The following LRRK1 variants were observed in gnomAD, a reference collection of about 807,000 sequenced individuals.
LRRK1 encodes the protein leucine rich repeat kinase 1, also known as leucine-rich repeat serine/threonine-protein kinase 1.
A neutral mutation model predicts 209.1 loss-of-function variants in LRRK1; 113 were observed. That is an observed-to-expected ratio of 0.54 (90% CI 0.46 to 0.63). LRRK1 has a LOEUF of 0.63. LRRK1 is among the 30% of genes least tolerant of loss of function. The probability of loss-of-function intolerance (pLI) is 0.00; values close to 1 mark genes in which losing one functional copy is unlikely to be tolerated. For missense variants in LRRK1, 2,284 were observed against 2,632.2 expected, an observed-to-expected ratio of 0.87 and a Z score of 2.89; for synonymous variants, 1,144 against 1,099.7, an observed-to-expected ratio of 1.04 and a Z score of -0.80.
At chr15:101,010,102 C>A (rs2033160205) in intron 7 of LRRK1, among the ~76,000 whole-genome samples, 1 of 152,234 alleles carries the variant, frequency 6.6e-6, no homozygotes, top group South Asian at 2.1e-4. Flanking sequence ...GGCCCTTCAC[C>A]TGGGCCAGAT....
At chr15:100,947,367 A>G (rs1441605285) in intron 2 of LRRK1, among the ~76,000 whole-genome samples, 1 of 152,214 alleles carries the variant, frequency 6.6e-6, no homozygotes, top group East Asian at 1.9e-4. Flanking sequence ...ATTCCTATGG[A>G]AAGAAATGCA....
chr15:101,046,753 C>T (rs935088017), intron 21 of LRRK1, among the ~76,000 whole-genome samples: 1 of 152,202 alleles, frequency 6.6e-6, no homozygotes, highest in African/African-American at 2.4e-5. Flanking sequence ...AGTTTGAGAA[C>T]CACTTGTGCA....
In LRRK1 at chr15:101,070,834, T is replaced by C. The variant is rs2036777359; in HGVS notation, c.*1986T>C. 1 of 150,012 alleles carries C rather than the reference T, an allele frequency of 6.7e-6. No individual in the cohort carries two copies. The highest frequency in any genetic ancestry group is 1.5e-5 in the Non-Finnish European group (1 of 67,650). 9.3% of individuals were successfully genotyped at this position (150,012 alleles called of 1,614,324 possible). ...ACAGGAAATGACTAATGAACTTGAC[T>C]CCATGAAATTGAAACTTACGTGGAA... On this transcript the variant is annotated 3_prime_UTR_variant, in exon 34 of 34. Transcript: ENST00000388948.
At chr15:100,952,287 T>C (rs2042670870) in intron 2 of LRRK1, among the ~76,000 whole-genome samples, 1 of 152,238 alleles carries the variant, frequency 6.6e-6, no homozygotes. Context: ...CACTGAATTG[T>C]ACACTTTTAA....
chr15:100,941,477 T>TGTGTGTGTGCCTGTATCTGTGTGC (rs2042435260), intron 2 of LRRK1, among the ~76,000 whole-genome samples: 2 of 97,602 alleles, frequency 2.0e-5, no homozygotes, highest in Non-Finnish European at 2.3e-5. Flanking sequence ...TGTGTGTGTG[T>TGTGTGTGTGCCTGTATCTGTGTGC]GTGTGTGTGT....
intron 12 of LRRK1, 68 bp downstream of exon 12, chr15:101,015,470 A>T: frequency 8.2e-7 from 1 of 1,215,268 alleles, no homozygotes; most frequent in South Asian, 1.3e-5. Flanking sequence ...CTGCTCCACC[A>T]AAGTGGGGAT....
rs572153759 is a variant in LRRK1, at chr15:101,060,783, C to T, written c.4680-388C>T. 3.0e-4 allele frequency among the ~76,000 whole-genome samples: 46 copies of T among 152,368 alleles called. 2 individuals are homozygous for T. The East Asian group carries it at 5.6e-3, about 19-fold the overall frequency. ...TGGGAGCACATTTTGAGTGCCCCCC[C>T]GCCCCAACCCAATCTCCTCTGGAAT... On this transcript the variant is annotated intron_variant, in intron 29 of 33. Transcript: ENST00000388948.
In LRRK1 at chr15:101,065,503, A is replaced by T. The variant is rs1213403128; in HGVS notation, c.5066A>T (p.Asn1689Ile). ...ATCGCGGATGAAGACGCACGGCAGA[A>T]CCCCTACCCAGTGAAGGCCATGGAG... ...FSIADEDARQ[N>I]PYPVKAMEVV... is the part of the protein sequence containing the mutation. Residue 1689 changes from asparagine (N) to isoleucine (I), a missense_variant, in exon 32 of 34, where the codon AAC becomes ATC. Physicochemically the swap from Asn to Ile is moderately radical, Grantham distance 149. This residue lies in a region of LRRK1 where 643 missense variants were observed against 695.9 expected (regional missense o/e 0.92). Coordinates refer to ENST00000388948, the MANE Select transcript of LRRK1 (RefSeq NM_024652.6). The T allele has an allele frequency of 2.5e-6, 4 of 1,613,950 alleles. No individual in the cohort carries two copies. Among genetic ancestry groups the T allele is most frequent in the East Asian group, 2.2e-5 (1 of 44,886 alleles).
chr15:101,053,044 G>A lies in LRRK1; in HGVS notation c.3812G>A (p.Arg1271His), dbSNP rs199804667. 307 of 1,612,300 alleles carry A rather than the reference G, an allele frequency of 1.9e-4. No homozygotes were observed. Among genetic ancestry groups the A allele is most frequent in the Non-Finnish European group, 1.8e-4 (214 of 1,178,922 alleles). The change falls in exon 25 of 34, where the codon CGC (arginine) becomes CAC (histidine). Residue 1271 changes from arginine (R) to histidine (H), a missense_variant. Coordinates refer to ENST00000388948, the MANE Select transcript of LRRK1 (RefSeq NM_024652.6). ...CAGGGCCAGCCTGTGGCCGTCAAGCGCTTCCACATCAAAAAATTCAAGAAC... is the reference window on the plus strand; with the variant it reads ...CAGGGCCAGCCTGTGGCCGTCAAGCACTTCCACATCAAAAAATTCAAGAAC... ...RYQGQPVAVK[R>H]FHIKKFKNFA...
chr15:101,053,232 T>G lies in LRRK1; in HGVS notation c.3866T>G (p.Leu1289Arg). 6.2e-7 allele frequency: 1 copy of G among 1,605,778 alleles called. No homozygotes were observed. The highest frequency in any genetic ancestry group is 8.5e-7 in the Non-Finnish European group (1 of 1,179,916). ...NFANVPADTM[L>R]RHLRATDAMK... The stretch of plus-strand genomic sequence containing the variant: ...GCGCTGTCCCTGGCAGACACCATGC[T>G]GAGGCACCTGCGGGCCACCGATGCC... Residue 1289 changes from leucine (L) to arginine (R), a missense_variant, in exon 26 of 34, where the codon CTG (leucine) becomes CGG (arginine). Transcript: ENST00000388948.
At chr15:101,018,484 C>T (rs7161949) in intron 12 of LRRK1, among the ~76,000 whole-genome samples, 9,831 of 116,008 alleles carry the variant, frequency 0.085, 907 homozygotes, top group African/African-American at 0.27. Context: ...ACCTCGGTCA[C>T]GCAAGCCACT....
intron 2 of LRRK1, among the ~76,000 whole-genome samples, chr15:100,941,248 CTGTG>C (rs1220339136): frequency 3.4e-5 from 3 of 88,588 alleles, no homozygotes; most frequent in South Asian, 3.7e-4. Flanking sequence ...GTGTGTCTGT[CTGTG>C]TGTGTGTCTG....
chr15:100,993,654 A>G (rs1382351433), intron 6 of LRRK1, among the ~76,000 whole-genome samples: 135 of 151,874 alleles, frequency 8.9e-4, no homozygotes, highest in Non-Finnish European at 1.6e-4. Flanking sequence ...TCAGGTTTTT[A>G]TTTGTCTCTT....
chr15:101,008,791 C>A, intron 6 of LRRK1, 46 bp from the exon 7 acceptor site: 2 of 1,443,032 alleles, frequency 1.4e-6, no homozygotes, highest in South Asian at 1.1e-5. Flanking sequence ...CATGTGGGCC[C>A]TGAACTCACC....
chr15:100,957,462 A>G (rs1429085368), intron 2 of LRRK1, among the ~76,000 whole-genome samples: 1 of 152,048 alleles, frequency 6.6e-6, no homozygotes, highest in Admixed American at 6.5e-5. Context: ...TGCTTTACTT[A>G]TTTATGTGCT....
At position 101,043,010 on chromosome 15, in the gene LRRK1, C is replaced by G. The variant is rs545819279; in HGVS notation, c.2964-2971C>G. ...GCCCTAAACCAGCTTGGTCCTCAGG[C>G]CTCTGAGTACTAGTTTCCATATCAG... On this transcript the variant is annotated intron_variant, in intron 20 of 33. Coordinates refer to ENST00000388948, the MANE Select transcript of LRRK1 (RefSeq NM_024652.6). Among the ~76,000 whole-genome samples the G allele has an allele frequency of 2.0e-5, 3 of 152,352 alleles. No homozygotes were observed. The East Asian group carries it at 5.8e-4, about 29-fold the overall frequency.
In LRRK1 at chr15:101,022,349, C is replaced by T. The variant is rs767838123; in HGVS notation, c.1853-34C>T. The stretch of plus-strand genomic sequence containing the variant: ...CCTAAGAGATGTGAGCATGTGCCCA[C>T]GCAGCTACCCTTCCCCTTAATGATT... On this transcript the variant is annotated intron_variant, in intron 14 of 33. Transcript: ENST00000388948. This position sits in a 1 kb window ranked among gnomAD's most constrained non-coding sequence, Gnocchi z 4.0. 2.8e-5 allele frequency: 45 copies of T among 1,594,896 alleles called. No individual in the cohort carries two copies. The highest frequency in any genetic ancestry group is 9.4e-5 in the African/African-American group (7 of 74,606).
chr15:100,969,509 A>G (rs955995604), intron 2 of LRRK1, among the ~76,000 whole-genome samples: 1 of 151,940 alleles, frequency 6.6e-6, no homozygotes, highest in East Asian at 1.9e-4. Context: ...TTTTTTTTCA[A>G]GTTCAGGGGT....
At position 101,053,061 on chromosome 15, in the gene LRRK1, T is replaced by C; in HGVS notation, c.3829T>C (p.Phe1277Leu). 1 of 1,610,714 alleles carries C rather than the reference T, an allele frequency of 6.2e-7. No individual in the cohort carries two copies. Among genetic ancestry groups the C allele is most frequent in the South Asian group, 1.1e-5 (1 of 90,978 alleles). ...CGTCAAGCGCTTCCACATCAAAAAA[T>C]TCAAGAACTTTGCTAACGTACCGGC... ...VAVKRFHIKK[F>L]KNFANVPADT... The change falls in exon 25 of 34, where the codon TTC becomes CTC. Residue 1277 changes from phenylalanine to leucine, a missense_variant. Phe to Leu is a conservative substitution (Grantham distance 22). This residue lies in a region of LRRK1 where 780 missense variants were observed against 985.2 expected (regional missense o/e 0.79). Transcript: ENST00000388948.
Sources: gnomAD v4.1 joint callset for allele counts (sites outside exome capture counted in the v4.1 genomes callset) on GRCh38, gnomAD v4.1.1 for gene constraint, gnomAD v4.1.1 regional missense constraint, Gnocchi (gnomAD v3.1) non-coding constraint, MANE v1.5 for transcripts, NCBI Gene and HGNC (gene_info 2026-07-23, HGNC 2026-07-21) for gene names.